Variants in SLC12A5 observed in about 807,000 individuals in gnomAD.
The protein encoded by SLC12A5 is solute carrier family 12 member 5, also known as K-Cl cotransporter 2.
In SLC12A5, 18 loss-of-function variants were observed where a neutral mutation model predicts 124.0. The observed-to-expected ratio is 0.15, with a 90% confidence interval of 0.10 to 0.22. SLC12A5 has a LOEUF of 0.22. Ranked by LOEUF, SLC12A5 falls within the 10% of genes least tolerant of loss-of-function variation. The pLI, the probability that SLC12A5 is intolerant of heterozygous loss-of-function variation, is 1.00. For synonymous variants in SLC12A5, 589 were observed against 568.0 expected (o/e 1.04, Z -0.53); for missense variants, 867 against 1,478.7 (o/e 0.59, Z 6.78).
upstream of SLC12A5, chr20:46,029,053 CATCTT>C (rs1005109099): frequency 3.5e-6 from 4 of 1,131,872 alleles, no homozygotes; most frequent in African/African-American, 1.6e-5. Flanking sequence ...GCCCGCCCCT[CATCTT>C]CTCTTCTCTC....
At position 46,056,973 on chromosome 20, in the gene SLC12A5, A is replaced by C; in HGVS notation, c.3125+62A>C. On this transcript the variant is annotated intron_variant, in intron 24 of 25. Coordinates refer to ENST00000243964, the MANE Select transcript of SLC12A5 (RefSeq NM_020708.5). The surrounding 1 kb of genome is among the most constrained non-coding windows in gnomAD (Gnocchi z 4.3). ...GATGGCCAGGGTCCCTACCCTCCTCACTCTGTTGTGAACCCCTAATTGGTG... is the reference window on the plus strand; with the variant it reads ...GATGGCCAGGGTCCCTACCCTCCTCCCTCTGTTGTGAACCCCTAATTGGTG... 1 of 1,612,260 alleles carries C rather than the reference A, an allele frequency of 6.2e-7. No homozygotes were observed. The highest frequency in any genetic ancestry group is 8.5e-7 in the Non-Finnish European group (1 of 1,178,592).
At chr20:46,034,608 C>T (rs945475044) in intron 1 of SLC12A5, among the ~76,000 whole-genome samples, 4 of 152,156 alleles carry the variant, frequency 2.6e-5, no homozygotes, top group Non-Finnish European at 5.9e-5. Context: ...AGACCTTCTC[C>T]ACTGGGAAAG....
Position 46,043,495 on chromosome 20 carries a change from A to G in SLC12A5, c.1238-138A>G, listed in dbSNP as rs963414603. The stretch of plus-strand genomic sequence containing the variant: ...TTAAGGCCAGGAGAAGCTAAGTAAC[A>G]TGTCCAAGGTCTCACACAAGCCAGT... On this transcript the variant is annotated intron_variant, in intron 9 of 25. Coordinates refer to ENST00000243964, the MANE Select transcript of SLC12A5 (RefSeq NM_020708.5). 2.6e-6 allele frequency: 3 copies of G among 1,165,696 alleles called. No homozygotes were observed. In the African/African-American group the frequency reaches 4.6e-5, roughly 18 times the overall value. 72.2% of individuals were successfully genotyped at this position (1,165,696 alleles called of 1,614,324 possible).
chr20:46,035,567 A>G, intron 3 of SLC12A5, 32 bp downstream of exon 3: 1 of 1,550,826 alleles, frequency 6.4e-7, no homozygotes, highest in Non-Finnish European at 8.8e-7. Context: ...AAATGGAAGA[A>G]AAGGGACGGA....
chr20:46,051,831 C>T lies in SLC12A5; in HGVS notation c.2338C>T (p.Arg780Cys), dbSNP rs757395459. 1.6e-5 allele frequency: 26 copies of T among 1,583,014 alleles called. 1 individual carries two copies. In the African/African-American group the frequency reaches 1.8e-4, roughly 11 times the overall value. The change falls in exon 18 of 26, where the codon CGC becomes TGC. Residue 780 changes from arginine to cysteine, a missense_variant. Arg to Cys is a radical substitution (Grantham distance 180). Coordinates refer to ENST00000243964, the MANE Select transcript of SLC12A5 (RefSeq NM_020708.5). ...TVLVGWPRNW[R>C]QKEDHQTWRN... ...GCTTGTTGGCTGGCCCCGCAACTGGCGCCAGAAGGAAGATCATCAGACGTG... is the reference window on the plus strand; with the variant it reads ...GCTTGTTGGCTGGCCCCGCAACTGGTGCCAGAAGGAAGATCATCAGACGTG...
chr20:46,042,814 G>A (rs942101308), intron 8 of SLC12A5, among the ~76,000 whole-genome samples: 1 of 152,076 alleles, frequency 6.6e-6, no homozygotes, highest in African/African-American at 2.4e-5. Context: ...CTGAAATATG[G>A]GATGCAGGAA....
intron 1 of SLC12A5, among the ~76,000 whole-genome samples, chr20:46,034,178 G>T (rs561584125): frequency 1.3e-5 from 2 of 152,198 alleles, no homozygotes; most frequent in Admixed American, 6.5e-5. Flanking sequence ...ATGCTGTTCT[G>T]CTATTCTGTC....
chr20:46,044,159 T>C (rs1274979815), intron 11 of SLC12A5, among the ~76,000 whole-genome samples: 1 of 152,242 alleles, frequency 6.6e-6, no homozygotes, highest in Non-Finnish European at 1.5e-5. Context: ...AATGATACTT[T>C]CCTTTTCTTT....
Position 46,056,405 on chromosome 20 carries a change from G to A in SLC12A5, c.2951G>A (p.Ser984Asn), listed in dbSNP as rs1320444927. Reference sequence around the variant, plus strand: ...GATCAGAGTGCTCCCAGCTGCCCCAGCAGCTCCCCGTCCCCAGGGGAGGAG... The same window carrying A: ...GATCAGAGTGCTCCCAGCTGCCCCAACAGCTCCCCGTCCCCAGGGGAGGAG... Reference protein sequence around the residue: ...IHDQSAPSCPSSSPSPGEEPE... With the variant: ...IHDQSAPSCPNSSPSPGEEPE... The change falls in exon 23 of 26, where the codon AGC becomes AAC. Residue 984 changes from serine to asparagine, a missense_variant. This residue lies in a region of SLC12A5 where 180 missense variants were observed against 243.6 expected (regional missense o/e 0.74). Coordinates refer to ENST00000243964, the MANE Select transcript of SLC12A5 (RefSeq NM_020708.5). The surrounding 1 kb of genome is among the most constrained non-coding windows in gnomAD (Gnocchi z 4.3). 1 of 1,613,386 alleles carries A rather than the reference G, an allele frequency of 6.2e-7. No individual in the cohort carries two copies. The highest frequency in any genetic ancestry group is 8.5e-7 in the Non-Finnish European group (1 of 1,179,558).
chr20:46,046,061 C>A, intron 13 of SLC12A5, 65 bp downstream of exon 13: 2 of 1,487,278 alleles, frequency 1.3e-6, no homozygotes, highest in South Asian at 1.2e-5. Flanking sequence ...ATCCTGCAGC[C>A]GTTACCTGTG....
At chr20:46,032,219 C>T (rs1035098500) in intron 1 of SLC12A5, among the ~76,000 whole-genome samples, 1 of 152,218 alleles carries the variant, frequency 6.6e-6, no homozygotes, top group South Asian at 2.1e-4. Context: ...CCATGGAGAC[C>T]GGCGCGGGGC....
intron 11 of SLC12A5, chr20:46,044,696 A>AG (rs2084578061): frequency 2.1e-6 from 1 of 480,326 alleles, no homozygotes; most frequent in Non-Finnish European, 3.7e-6. Context: ...TGGTACCACC[A>AG]GGCTTCTGTA....
rs548363118 is a variant in SLC12A5 at position 46,037,144 on chromosome 20, G to A, written c.482-111G>A. ...CCCTTTCTAGGGCTGCAGCCCATAAGCCTGTGAGGCCTGGAGCAACCCCCT... is the reference window on the plus strand; with the variant it reads ...CCCTTTCTAGGGCTGCAGCCCATAAACCTGTGAGGCCTGGAGCAACCCCCT... On this transcript the variant is annotated intron_variant, in intron 5 of 25. Coordinates refer to ENST00000243964, the MANE Select transcript of SLC12A5 (RefSeq NM_020708.5). 30 of 1,443,764 alleles carry A rather than the reference G, an allele frequency of 2.1e-5. 1 individual carries two copies. In the African/African-American group the frequency reaches 2.6e-4, roughly 12 times the overall value. 89.4% of individuals were successfully genotyped at this position (1,443,764 alleles called of 1,614,324 possible). A position where few individuals can be genotyped will look rare whatever the true frequency, so the allele number is the denominator to read the frequency against.
intron 8 of SLC12A5, 136 bp from the exon 9 acceptor site, chr20:46,043,017 T>C: frequency 4.6e-6 from 4 of 862,750 alleles, no homozygotes; most frequent in Non-Finnish European, 7.4e-6. Flanking sequence ...TCAGTGGAAA[T>C]GAAATAGAGA....
intron 16 of SLC12A5, 38 bp from the exon 17 acceptor site, chr20:46,049,584 C>T (rs1208929797): frequency 4.4e-6 from 7 of 1,573,254 alleles, no homozygotes; most frequent in Non-Finnish European, 6.0e-6. Context: ...TGGTTGGTTA[C>T]ATGGTATATG....
intron 18 of SLC12A5, 107 bp downstream of exon 18, chr20:46,051,977 C>A: frequency 1.0e-6 from 1 of 979,492 alleles, no homozygotes; most frequent in Non-Finnish European, 1.4e-6. Flanking sequence ...CCAAGCACTG[C>A]GTGCCAAGTG....
chr20:46,029,210 C>A, upstream of SLC12A5: 2 of 1,436,604 alleles, frequency 1.4e-6, no homozygotes, highest in Non-Finnish European at 1.8e-6. Flanking sequence ...GCCGGGCGGG[C>A]GGGCACTGCA....
In SLC12A5 at chr20:46,037,217, C is replaced by A. The variant is rs368809568; in HGVS notation, c.482-38C>A. The A allele has an allele frequency of 6.1e-5, 95 of 1,563,308 alleles. No homozygotes were observed. In the South Asian group the frequency reaches 1.1e-3, roughly 18 times the overall value. On this transcript the variant is annotated intron_variant, in intron 5 of 25. Transcript: ENST00000243964. Reference sequence around the variant, plus strand: ...CCTCACCCCTTACGGCAGCCCAGTGCCCCCGACCCTCTCGCTGATACCAGA... The same window carrying A: ...CCTCACCCCTTACGGCAGCCCAGTGACCCCGACCCTCTCGCTGATACCAGA...
intron 16 of SLC12A5, among the ~76,000 whole-genome samples, chr20:46,049,295 T>G (rs1292553590): frequency 6.6e-6 from 1 of 152,188 alleles, no homozygotes; most frequent in African/African-American, 2.4e-5. Context: ...GGCAAAAGCA[T>G]GAATCGATGG....
Sources: allele counts gnomAD v4.1 joint callset (sites outside exome capture counted in the v4.1 genomes callset), GRCh38; gene constraint gnomAD v4.1.1; regional missense constraint gnomAD v4.1.1; non-coding constraint Gnocchi (gnomAD v3.1); transcripts MANE v1.5; gene names NCBI Gene and HGNC (gene_info 2026-07-23, HGNC 2026-07-21).